Variants in R3HDM2 observed in about 807,000 individuals in gnomAD.
The protein encoded by R3HDM2 is R3H domain-containing protein 2.
R3HDM2 carries 38 observed loss-of-function variants against 124.5 expected under a neutral mutation model. The ratio of observed to expected loss-of-function variants is 0.31; its 90% confidence interval spans 0.24 to 0.40. R3HDM2 has a LOEUF of 0.40. R3HDM2 is among the 10% of genes least tolerant of loss of function. The probability of loss-of-function intolerance (pLI) is 1.00; values close to 1 mark genes in which losing one functional copy is unlikely to be tolerated. For synonymous variants in R3HDM2, 391 were observed against 448.0 expected, an observed-to-expected ratio of 0.87 and a Z score of 1.61; for missense variants, 869 against 1,236.9, an observed-to-expected ratio of 0.70 and a Z score of 4.46.
chr12:57,284,506 C>T (rs971047927), intron 12 of R3HDM2, among the ~76,000 whole-genome samples: 1 of 152,228 alleles, frequency 6.6e-6, no homozygotes, highest in Non-Finnish European at 1.5e-5. Context: ...ATGGATAAAA[C>T]CCACAATGGG....
At chr12:57,345,176 A>G (rs1299133733) in intron 2 of R3HDM2, among the ~76,000 whole-genome samples, 1 of 152,094 alleles carries the variant, frequency 6.6e-6, no homozygotes, top group Non-Finnish European at 1.5e-5. Context: ...CCAGATCATC[A>G]AGGACCTGAG....
rs1207119559 is a variant in R3HDM2 at position 57,269,614 on chromosome 12, CT to C, written c.1587+137del. On this transcript the variant is annotated intron_variant, in intron 15 of 23. Transcript: ENST00000402412. ...GGATTTATGTTATATAGAAAGAAGA[CT>C]TTCTGGCTAGAACAACTCTCAAGTG... 10 of 1,465,054 alleles carry C rather than the reference CT, an allele frequency of 6.8e-6. No homozygotes were observed. In the African/African-American group the frequency reaches 1.4e-4, roughly 21 times the overall value. 90.8% of individuals were successfully genotyped at this position (1,465,054 alleles called of 1,614,324 possible).
At chr12:57,305,300 T>C (rs1593012147) in intron 3 of R3HDM2, among the ~76,000 whole-genome samples, 1 of 152,218 alleles carries the variant, frequency 6.6e-6, no homozygotes, top group Admixed American at 6.5e-5. Flanking sequence ...AATGGCTACA[T>C]AGTATTCCAC....
In R3HDM2 at chr12:57,430,984, A is replaced by AATCAGAAGGGGAAG. The variant is rs2139803081; in HGVS notation, c.-384_-371dup. 1 of 151,658 alleles carries AATCAGAAGGGGAAG rather than the reference A, an allele frequency of 6.6e-6. No individual in the cohort carries two copies. The highest frequency in any genetic ancestry group is 2.4e-5 in the African/African-American group (1 of 41,182). The allele number at this position is 151,658 out of a possible 1,614,324, so 9.4% of individuals were successfully genotyped here. A position where few individuals can be genotyped will look rare whatever the true frequency, so the allele number is the denominator to read the frequency against. Reference sequence around the variant, plus strand: ...AAAGGGAGAAAAGGGGGGAGGGGAAAATCAGAAGGGGAAGAAAAGCCCAGA... The same window carrying AATCAGAAGGGGAAG: ...AAAGGGAGAAAAGGGGGGAGGGGAAAATCAGAAGGGGAAGATCAGAAGGGGAAGAAAAGCCCAGA... On this transcript the variant is annotated 5_prime_UTR_variant, in exon 1 of 24. Transcript: ENST00000402412.
At chr12:57,274,180 G>C (rs2044183524) in intron 14 of R3HDM2, among the ~76,000 whole-genome samples, 1 of 152,034 alleles carries the variant, frequency 6.6e-6, no homozygotes, top group Non-Finnish European at 1.5e-5. Context: ...AAAAAGGACA[G>C]TAAAGTGGTT....
intron 1 of R3HDM2, among the ~76,000 whole-genome samples, chr12:57,397,981 A>G (rs2067721940): frequency 6.6e-6 from 1 of 152,190 alleles, no homozygotes; most frequent in East Asian, 1.9e-4. Context: ...CAGGAGTTCG[A>G]GACCAGCCTG....
rs1314979531 is a variant in R3HDM2, at chr12:57,299,558, A to G, written c.295-80T>C. On this transcript the variant is annotated intron_variant, in intron 5 of 23. Coordinates refer to ENST00000402412, the MANE Select transcript of R3HDM2 (RefSeq NM_001394031.1). Reference sequence around the variant, plus strand: ...CTCCCTTGGAATCTCAAAGAAGGTAAATCTTGGGGTGGCAGCTCTCTCTTA... The same window carrying G: ...CTCCCTTGGAATCTCAAAGAAGGTAGATCTTGGGGTGGCAGCTCTCTCTTA... 2.2e-6 allele frequency: 3 copies of G among 1,375,366 alleles called. No individual in the cohort carries two copies. The East Asian group carries it at 7.5e-5, about 34-fold the overall frequency. 85.2% of individuals were successfully genotyped at this position (1,375,366 alleles called of 1,614,324 possible).
chr12:57,386,615 G>A (rs900270815), intron 2 of R3HDM2, among the ~76,000 whole-genome samples: 7 of 152,214 alleles, frequency 4.6e-5, no homozygotes, highest in African/African-American at 1.4e-4. Context: ...GCTCCACCGC[G>A]CCCAGTCCCA....
rs906236570 is a variant in R3HDM2, at chr12:57,272,328, A to T, written c.1345-2334T>A. 8.7e-6 allele frequency: 7 copies of T among 801,648 alleles called. No homozygotes were observed. In the African/African-American group the frequency reaches 1.2e-4, roughly 14 times the overall value. The allele number at this position is 801,648 out of a possible 1,614,324, so 49.7% of individuals were successfully genotyped here. On this transcript the variant is annotated intron_variant, in intron 14 of 23. Transcript: ENST00000402412. ...CAGCCTGTGCTGGTCCCTCAAGAAG[A>T]AATAGCTTTCAATATGCCCTCCAAA...
intron 2 of R3HDM2, among the ~76,000 whole-genome samples, chr12:57,386,507 G>A (rs1442199011): frequency 1.3e-5 from 2 of 152,246 alleles, no homozygotes; most frequent in Non-Finnish European, 2.9e-5. Flanking sequence ...CCTCCCCTCG[G>A]GGCAGGGCTT....
Position 57,406,952 on chromosome 12 carries a change from C to A in R3HDM2, c.-105-11134G>T, listed in dbSNP as rs562684773. Among the ~76,000 whole-genome samples, 4 of 152,204 alleles carry A rather than the reference C, an allele frequency of 2.6e-5. No individual in the cohort carries two copies. In the South Asian group the frequency reaches 6.2e-4, roughly 24 times the overall value. On this transcript the variant is annotated intron_variant, in intron 1 of 23. Coordinates refer to ENST00000402412, the MANE Select transcript of R3HDM2 (RefSeq NM_001394031.1). ...CGAAGGAAAATAAGTGAGGGAAAGT[C>A]TTTTAGAAAAAGAGATTTTAGGGTG... is the stretch of plus-strand genomic sequence containing the variant.
rs1402178778 is a variant in R3HDM2, at chr12:57,261,774, A to AC, written c.2132-2716_2132-2715insG. On this transcript the variant is annotated intron_variant, in intron 19 of 23. Coordinates refer to ENST00000402412, the MANE Select transcript of R3HDM2 (RefSeq NM_001394031.1). ...AGACGTGGCAAAAAAAAAAAAAAAA[A>AC]AAAACCCTCTGCCCAGTGACAGCAC... Among the ~76,000 whole-genome samples, 75 of 150,500 alleles carry AC rather than the reference A, an allele frequency of 5.0e-4. 1 individual carries two copies. Among genetic ancestry groups the AC allele is most frequent in the Admixed American group, 1.3e-3 (20 of 15,160 alleles).
intron 3 of R3HDM2, among the ~76,000 whole-genome samples, chr12:57,308,886 T>TA (rs1238619774): frequency 6.6e-6 from 1 of 152,212 alleles, no homozygotes; most frequent in Non-Finnish European, 1.5e-5. Flanking sequence ...CCTGAATATT[T>TA]AAAATTCATT....
At chr12:57,416,080 T>C (rs915769190) in intron 1 of R3HDM2, among the ~76,000 whole-genome samples, 2 of 152,220 alleles carry the variant, frequency 1.3e-5, no homozygotes, top group Non-Finnish European at 2.9e-5. Flanking sequence ...AATAATGGTA[T>C]TGTGGAAAAC....
At chr12:57,396,909 T>C (rs1442151976) in intron 1 of R3HDM2, among the ~76,000 whole-genome samples, 1 of 151,982 alleles carries the variant, frequency 6.6e-6, no homozygotes, top group Non-Finnish European at 1.5e-5. Flanking sequence ...CTGGCCAATA[T>C]GGTGAAACAC....
At chr12:57,265,104 C>T (rs1057035139) in intron 19 of R3HDM2, among the ~76,000 whole-genome samples, 1 of 151,978 alleles carries the variant, frequency 6.6e-6, no homozygotes, top group Non-Finnish European at 1.5e-5. Context: ...CAAAGAGGGC[C>T]CTTAGCTGTG....
intron 2 of R3HDM2, among the ~76,000 whole-genome samples, chr12:57,321,430 C>T (rs2056427997): frequency 6.6e-6 from 1 of 152,118 alleles, no homozygotes. Flanking sequence ...TTGGGTGGAT[C>T]ACCTGACGTC....
chr12:57,268,252 T>G, intron 18 of R3HDM2, 51 bp downstream of exon 18: 10 of 1,573,134 alleles, frequency 6.4e-6, no homozygotes, highest in Non-Finnish European at 7.8e-6. Context: ...ATGCAACTGT[T>G]GCTGAAGGTC....
At chr12:57,373,953 C>T (rs1386532588) in intron 2 of R3HDM2, among the ~76,000 whole-genome samples, 1 of 151,592 alleles carries the variant, frequency 6.6e-6, no homozygotes, top group Admixed American at 6.6e-5. Context: ...CATGGTGAAA[C>T]CCCGCCTCTA....
Sources: gnomAD v4.1 joint callset for allele counts (sites outside exome capture counted in the v4.1 genomes callset) on GRCh38, gnomAD v4.1.1 for gene constraint, MANE v1.5 for transcripts, NCBI Gene and HGNC (gene_info 2026-07-23, HGNC 2026-07-21) for gene names.